GPC3: variants seen among roughly 807,000 people sequenced by gnomAD.
GPC3 encodes glypican 3.
In GPC3, 3 loss-of-function variants were observed where a neutral mutation model predicts 34.4. That is an observed-to-expected ratio of 0.09 (90% CI 0.04 to 0.23). The LOEUF (loss-of-function observed/expected upper bound fraction) is 0.23, where lower values mean the gene tolerates loss of function less well. Ranked by LOEUF, GPC3 falls within the 10% of genes least tolerant of loss-of-function variation. GPC3 has a pLI of 1.00. For missense variants in GPC3, 351 were observed against 445.6 expected (o/e 0.79, Z 1.91); for synonymous variants, 177 against 174.0 (o/e 1.02, Z -0.13).
At chrX:133,938,763 CAT>C (rs1345286191) in intron 2 of GPC3, among the ~76,000 whole-genome samples, 3 of 112,053 alleles carry the variant, frequency 2.7e-5, no homozygotes, top group Admixed American at 9.5e-5. Context: ...AATGTACAAA[CAT>C]ATGTTTGCAC....
At chrX:133,690,605 C>T (rs1176510042) in intron 5 of GPC3, among the ~76,000 whole-genome samples, 2 of 112,009 alleles carry the variant, frequency 1.8e-5, no homozygotes, top group Admixed American at 1.9e-4. Flanking sequence ...AAGCAGCTAA[C>T]TTGCCTTTTT....
In GPC3 at chrX:133,543,339, G is replaced by A. The variant is rs1365190651; in HGVS notation, c.1574-7046C>T. Among the ~76,000 whole-genome samples the A allele has an allele frequency of 5.4e-5, 6 of 111,608 alleles. No individual in the cohort carries two copies. In the South Asian group the frequency reaches 1.1e-3, roughly 21 times the overall value. ...TCACCATGCTGTCCAGGCTGGTCTC[G>A]AACTCCTGAGCTCAAGCGATCTGCC... On this transcript the variant is annotated intron_variant, in intron 7 of 7. Coordinates refer to ENST00000370818, the MANE Select transcript of GPC3 (RefSeq NM_004484.4).
intron 7 of GPC3, among the ~76,000 whole-genome samples, chrX:133,540,591 T>C (rs999652152): frequency 9.0e-6 from 1 of 111,487 alleles, no homozygotes; most frequent in African/African-American, 3.3e-5. Context: ...AGACTACATA[T>C]TGGGTACAGT....
intron 2 of GPC3, among the ~76,000 whole-genome samples, chrX:133,770,874 C>T (rs1282201581): frequency 2.7e-5 from 3 of 111,656 alleles, no homozygotes; most frequent in Non-Finnish European, 5.6e-5. Flanking sequence ...GGAGTTTCAC[C>T]CTCAATATCT....
chrX:133,902,673 A>G (rs2076148980), intron 2 of GPC3, among the ~76,000 whole-genome samples: 1 of 112,011 alleles, frequency 8.9e-6, no homozygotes. Flanking sequence ...CAGTGAGCCA[A>G]GATTGCACCA....
At chrX:133,589,708 C>T (rs747855120) in intron 7 of GPC3, among the ~76,000 whole-genome samples, 18 of 111,545 alleles carry the variant, frequency 1.6e-4, no homozygotes, top group East Asian at 2.8e-4. Context: ...CATGTGGAAC[C>T]GTGAGTCCAT....
intron 2 of GPC3, among the ~76,000 whole-genome samples, chrX:133,800,966 A>G (rs2075606598): frequency 8.9e-6 from 1 of 112,168 alleles, no homozygotes; most frequent in South Asian, 3.7e-4. Context: ...CTAAGCTGCA[A>G]TGATACTATC....
chrX:133,796,009 A>C (rs1445286280), intron 2 of GPC3, among the ~76,000 whole-genome samples: 7 of 97,326 alleles, frequency 7.2e-5, no homozygotes, highest in African/African-American at 1.2e-4. Flanking sequence ...GCAGTGGCGC[A>C]ATCTTGGCTC....
At chrX:133,979,781 G>C (rs1368585340) in intron 1 of GPC3, among the ~76,000 whole-genome samples, 1 of 111,900 alleles carries the variant, frequency 8.9e-6, no homozygotes, top group East Asian at 2.8e-4. Flanking sequence ...TGGAGTGCCA[G>C]GGATCCTGTT....
intron 2 of GPC3, among the ~76,000 whole-genome samples, chrX:133,842,033 C>A (rs2075826744): frequency 8.9e-6 from 1 of 112,249 alleles, no homozygotes; most frequent in Admixed American, 9.4e-5. Context: ...TAATAAACTC[C>A]CTGCCGGGCA....
In GPC3 at chrX:133,783,739, C is replaced by T. The variant is rs183770914; in HGVS notation, c.338-29563G>A. Among the ~76,000 whole-genome samples, 3 of 112,093 alleles carry T rather than the reference C, an allele frequency of 2.7e-5. No homozygotes were observed. The East Asian group carries it at 8.4e-4, about 31-fold the overall frequency. ...CAAAGAGATACTATTTTCAGAGGAG[C>T]CATACCATTGCTCTCCCTCATTACC... On this transcript the variant is annotated intron_variant, in intron 2 of 7. Transcript: ENST00000370818.
intron 2 of GPC3, among the ~76,000 whole-genome samples, chrX:133,865,086 G>C (rs2267516): frequency 0.36 from 39,331 of 110,449 alleles, 6,829 homozygotes; most frequent in African/African-American, 0.68. Context: ...TACAAGTTCT[G>C]TTCCTTCAAT....
intron 4 of GPC3, among the ~76,000 whole-genome samples, chrX:133,694,227 T>C (rs767296527): frequency 9.0e-6 from 1 of 111,132 alleles, no homozygotes; most frequent in South Asian, 3.9e-4. Flanking sequence ...GCTCTCAGCA[T>C]AGATTCACAA....
At chrX:133,892,397 C>T (rs973892716) in intron 2 of GPC3, among the ~76,000 whole-genome samples, 5 of 110,654 alleles carry the variant, frequency 4.5e-5, no homozygotes, top group Admixed American at 9.7e-5. Context: ...TGGGCACCTC[C>T]TAAGTGGTTC....
intron 2 of GPC3, among the ~76,000 whole-genome samples, chrX:133,911,072 G>C (rs999557768): frequency 3.6e-5 from 4 of 112,130 alleles, no homozygotes; most frequent in Non-Finnish European, 5.6e-5. Flanking sequence ...TGCCCTGTAA[G>C]ATACTGTTAA....
chrX:133,847,309 A>T (rs191040717), intron 2 of GPC3, among the ~76,000 whole-genome samples: 1,555 of 110,653 alleles, frequency 0.014, 30 homozygotes, highest in African/African-American at 0.047. Context: ...ATATCTTTTT[A>T]AAAAAAAATG....
intron 2 of GPC3, among the ~76,000 whole-genome samples, chrX:133,837,257 G>A (rs760166207): frequency 9.0e-6 from 1 of 111,433 alleles, no homozygotes; most frequent in South Asian, 3.8e-4. Context: ...ACTGCTGTGA[G>A]TAATAAACTG....
At chrX:133,662,445 G>A (rs763176927) in intron 5 of GPC3, among the ~76,000 whole-genome samples, 3 of 111,791 alleles carry the variant, frequency 2.7e-5, no homozygotes, top group Non-Finnish European at 5.6e-5. Context: ...CCAGCCCAAG[G>A]GAAGATTTTA....
At chrX:133,979,276 G>A (rs776477976) in intron 1 of GPC3, among the ~76,000 whole-genome samples, 5 of 111,806 alleles carry the variant, frequency 4.5e-5, no homozygotes, top group Non-Finnish European at 7.5e-5. Flanking sequence ...TAACTGTTCG[G>A]AACACTAGCA....
Sources: gnomAD v4.1 joint callset for allele counts (sites outside exome capture counted in the v4.1 genomes callset) on GRCh38, gnomAD v4.1.1 for gene constraint, MANE v1.5 for transcripts, NCBI Gene and HGNC (gene_info 2026-07-23, HGNC 2026-07-21) for gene names.